The following MYO1H variants were observed in gnomAD, a reference collection of about 807,000 sequenced individuals.
MYO1H encodes myosin IH.
Under a neutral mutation model 149.3 loss-of-function variants are expected in MYO1H, and 118 were observed. The observed-to-expected ratio is 0.79, with a 90% CI of 0.68 to 0.92. The LOEUF (loss-of-function observed/expected upper bound fraction) is 0.92, where lower values mean the gene tolerates loss of function less well. Ranked by LOEUF, MYO1H falls within the 40% of genes least tolerant of loss-of-function variation. MYO1H has a pLI of 0.00. For synonymous variants in MYO1H, 447 were observed against 465.2 expected (o/e 0.96, Z 0.50); for missense variants, 1,212 against 1,280.7 (o/e 0.95, Z 0.82).
At chr12:109,440,077 C>G (rs543995928) in intron 24 of MYO1H, among the ~76,000 whole-genome samples, 5 of 151,874 alleles carry the variant, frequency 3.3e-5, no homozygotes, top group Non-Finnish European at 5.9e-5. Context: ...CTCTGTCACC[C>G]AGGCTAGAGT....
At chr12:109,382,508 T>C (rs912521545) in intron 1 of MYO1H, among the ~76,000 whole-genome samples, 1 of 152,158 alleles carries the variant, frequency 6.6e-6, no homozygotes, top group Non-Finnish European at 1.5e-5. Context: ...AAAATATAGA[T>C]ATAATTAGAG....
At chr12:109,447,048 A>G in intron 31 of MYO1H, 111 bp from the exon 32 acceptor site, 1 of 1,117,422 alleles carries the variant, frequency 8.9e-7, no homozygotes, top group Non-Finnish European at 1.3e-6. Flanking sequence ...CTGGCTTCTC[A>G]CAGGCCCTCC....
In MYO1H at chr12:109,396,594, C is replaced by T. The variant is rs777405688; in HGVS notation, c.489+12C>T. On this transcript the variant is annotated intron_variant, in intron 4 of 31. Transcript: ENST00000310903. ...ACCCAGTGCTGGAGGTAAGCGATCT[C>T]TGGGGACCAATCGAAGGGAGTTCCA... 1 of 1,602,158 alleles carries T rather than the reference C, an allele frequency of 6.2e-7. No individual in the cohort carries two copies. Among genetic ancestry groups the T allele is most frequent in the Non-Finnish European group, 8.5e-7 (1 of 1,173,558 alleles).
intron 31 of MYO1H, chr12:109,445,919 A>G (rs1338713526): frequency 3.0e-6 from 3 of 985,354 alleles, no homozygotes; most frequent in Non-Finnish European, 3.6e-6. Context: ...CGCTTATTAC[A>G]GTTATCCATA....
intron 1 of MYO1H, among the ~76,000 whole-genome samples, chr12:109,386,193 T>C (rs1414827168): frequency 6.6e-6 from 1 of 152,230 alleles, no homozygotes; most frequent in Non-Finnish European, 1.5e-5. Flanking sequence ...GTACCCGTTA[T>C]TTCTCTTTTA....
chr12:109,399,224 C>T lies in MYO1H; in HGVS notation c.570+1412C>T, dbSNP rs1366437443. 5.9e-5 allele frequency among the ~76,000 whole-genome samples: 9 copies of T among 152,276 alleles called. 1 individual carries two copies. In the South Asian group the frequency reaches 1.7e-3, roughly 28 times the overall value. ...CACATATACTGAAAAGGCCGTAAAA[C>T]ATGAGGATAGCCCAGTGAATTTCTA... On this transcript the variant is annotated intron_variant, in intron 5 of 31. Coordinates refer to ENST00000310903, the Ensembl canonical transcript of MYO1H.
intron 14 of MYO1H, 21 bp downstream of exon 14, chr12:109,412,006 G>C (rs938336763): frequency 2.6e-6 from 4 of 1,511,032 alleles, no homozygotes; most frequent in Admixed American, 4.0e-5. Context: ...TATTTTACCA[G>C]ATTTTGCATG....
At chr12:109,391,509 C>G (rs1040525776) in intron 2 of MYO1H, among the ~76,000 whole-genome samples, 1 of 152,080 alleles carries the variant, frequency 6.6e-6, no homozygotes, top group Admixed American at 6.5e-5. Context: ...GATTCCATGT[C>G]TTTGATGTTG....
intron 19 of MYO1H, among the ~76,000 whole-genome samples, chr12:109,432,671 C>T (rs1372900766): frequency 2.0e-5 from 3 of 152,164 alleles, no homozygotes; most frequent in Admixed American, 2.0e-4. Context: ...CATTGTTCTA[C>T]AAAGACAGGT....
chr12:109,344,351 A>G (rs981821981), upstream of MYO1H, among the ~76,000 whole-genome samples: 7 of 152,222 alleles, frequency 4.6e-5, no homozygotes, highest in African/African-American at 1.7e-4. Flanking sequence ...GTATGCTGGC[A>G]ATGAACAATC....
chr12:109,435,998 A>G (rs1435545239), intron 21 of MYO1H, among the ~76,000 whole-genome samples: 1 of 152,144 alleles, frequency 6.6e-6, no homozygotes, highest in Non-Finnish European at 1.5e-5. Context: ...TTGGCCTCTG[A>G]TAGGACCTAA....
chr12:109,393,692 G>A (rs151316589), intron 3 of MYO1H, among the ~76,000 whole-genome samples: 2 of 150,876 alleles, frequency 1.3e-5, no homozygotes, highest in African/African-American at 2.4e-5. Flanking sequence ...CCTATCCATC[G>A]ATACATCCAT....
chr12:109,410,906 C>T (rs1870635487), intron 13 of MYO1H, 138 bp downstream of exon 13: 4 of 626,270 alleles, frequency 6.4e-6, no homozygotes, highest in Non-Finnish European at 1.1e-5. Flanking sequence ...CTTTGGGAGG[C>T]CGAGGTGGGT....
the MYO1H span, among the ~76,000 whole-genome samples, chr12:109,341,002 C>T: frequency 5.9e-5 from 9 of 151,986 alleles, no homozygotes; most frequent in South Asian, 4.2e-4. Context: ...GCCTGGACAA[C>T]GTGGCAAAAT....
intron 5 of MYO1H, among the ~76,000 whole-genome samples, chr12:109,399,883 C>A (rs1342567844): frequency 1.3e-5 from 2 of 152,150 alleles, no homozygotes; most frequent in Non-Finnish European, 2.9e-5. Flanking sequence ...CCACAGCATT[C>A]CAGCCTGGGC....
At chr12:109,387,373 T>G (rs1252919413) in intron 1 of MYO1H, among the ~76,000 whole-genome samples, 4 of 152,226 alleles carry the variant, frequency 2.6e-5, no homozygotes, top group Non-Finnish European at 4.4e-5. Flanking sequence ...TATTCTAGCT[T>G]TGTTTTTCTT....
chr12:109,438,692 A>G lies in MYO1H; in HGVS notation c.2294+72A>G, dbSNP rs533660247. The G allele has an allele frequency of 2.7e-4, 300 of 1,131,752 alleles. 3 individuals are homozygous for G. The South Asian group carries it at 4.0e-3, about 15-fold the overall frequency. The allele number at this position is 1,131,752 out of a possible 1,614,324, so 70.1% of individuals were successfully genotyped here. On this transcript the variant is annotated intron_variant, in intron 23 of 31. Coordinates refer to ENST00000310903, the Ensembl canonical transcript of MYO1H. ...ACCCTGCAGGGATGGTCATGGAGGT[A>G]GATGAGTTCTTTGTGATTTTTTGAT...
chr12:109,368,881 T>G (rs985325184), intron 1 of MYO1H, among the ~76,000 whole-genome samples: 2 of 152,104 alleles, frequency 1.3e-5, no homozygotes, highest in Non-Finnish European at 2.9e-5. Flanking sequence ...TACCCAGCGT[T>G]TAGCTCCCAC....
exon 12 of MYO1H, chr12:109,410,031 AAGC>A: frequency 3.9e-6 from 6 of 1,542,890 alleles, no homozygotes; most frequent in Non-Finnish European, 5.3e-6. Context: ...AGGACTCTAA[AAGC>A]AGAACAGGCA....
Sources: allele counts gnomAD v4.1 joint callset (sites outside exome capture counted in the v4.1 genomes callset), GRCh38; gene constraint gnomAD v4.1.1; transcripts MANE v1.5; gene names NCBI Gene and HGNC (gene_info 2026-07-23, HGNC 2026-07-21).